The following CA10 variants were observed in gnomAD, a reference collection of about 807,000 sequenced individuals.
CA10 encodes carbonic anhydrase-related protein 10.
A neutral mutation model predicts 44.2 loss-of-function variants in CA10; 14 were observed. The ratio of observed to expected loss-of-function variants is 0.32; its 90% CI spans 0.21 to 0.50. The LOEUF is 0.50. Among genes scored for constraint, CA10 ranks in the 20% least tolerant of loss-of-function variants. CA10 has a pLI of 0.99. For missense variants in CA10, 350 were observed against 409.7 expected, an observed-to-expected ratio of 0.85 and a Z score of 1.26; for synonymous variants, 159 against 141.6, an observed-to-expected ratio of 1.12 and a Z score of -0.87.
At chr17:52,061,936 T>C (rs77331582) in intron 2 of CA10, among the ~76,000 whole-genome samples, 2,147 of 152,294 alleles carry the variant, frequency 0.014, 48 homozygotes, top group African/African-American at 0.049. Context: ...ATAAACTTAC[T>C]GGCTTATCAA....
chr17:51,968,541 TAG>T (rs1164248172), intron 2 of CA10, among the ~76,000 whole-genome samples: 1 of 151,854 alleles, frequency 6.6e-6, no homozygotes, highest in Non-Finnish European at 1.5e-5. Flanking sequence ...ACAGACACTA[TAG>T]AGACAGACAG....
At chr17:51,747,902 C>A in intron 3 of CA10, 84 bp from the exon 4 acceptor site, 3 of 1,027,924 alleles carry the variant, frequency 2.9e-6, no homozygotes, top group South Asian at 1.6e-5. Flanking sequence ...GGATCAACAC[C>A]TTTTGCTTCC....
At chr17:51,638,882 G>A (rs1418040321) in intron 6 of CA10, among the ~76,000 whole-genome samples, 1 of 152,130 alleles carries the variant, frequency 6.6e-6, no homozygotes, top group Non-Finnish European at 1.5e-5. Context: ...ACTGTAGACA[G>A]AGCAATGCTA....
chr17:51,720,927 T>G (rs1342783008), intron 4 of CA10, among the ~76,000 whole-genome samples: 1 of 152,162 alleles, frequency 6.6e-6, no homozygotes, highest in Non-Finnish European at 1.5e-5. Context: ...TGATGTGAGG[T>G]GATGGATATG....
intron 3 of CA10, among the ~76,000 whole-genome samples, chr17:51,839,262 G>T (rs1427304052): frequency 1.3e-5 from 2 of 152,178 alleles, no homozygotes; most frequent in Non-Finnish European, 2.9e-5. Flanking sequence ...GGAGTCCAAG[G>T]TGGGCGGATC....
At chr17:52,109,659 A>C (rs1988748347) in intron 1 of CA10, among the ~76,000 whole-genome samples, 1 of 152,232 alleles carries the variant, frequency 6.6e-6, no homozygotes, top group South Asian at 2.1e-4. Context: ...AGTTTAATGC[A>C]AGTCACATTC....
intron 3 of CA10, among the ~76,000 whole-genome samples, chr17:51,891,761 A>G (rs1286194940): frequency 6.6e-6 from 1 of 152,174 alleles, no homozygotes; most frequent in African/African-American, 2.4e-5. Flanking sequence ...CCGCCCTGTC[A>G]TTCTGCACAG....
rs1271678255 is a variant in CA10, at chr17:51,849,163, GTATATATATATACATATATGTA to G, written c.279+81805_279+81826del. Among the ~76,000 whole-genome samples the G allele has an allele frequency of 9.2e-3, 827 of 89,810 alleles. 30 individuals are homozygous for G. The highest frequency in any genetic ancestry group is 0.027 in the Middle Eastern group (4 of 148). 58.9% of individuals were successfully genotyped at this position (89,810 alleles called of 152,430 possible). On this transcript the variant is annotated intron_variant, in intron 3 of 8. Coordinates refer to ENST00000451037, the MANE Select transcript of CA10 (RefSeq NM_020178.5). ...TAGTTTTTTATATATATACATATAT[GTATATATATATACATATATGTA>G]TATATATATATACATATATGTATAT... is the stretch of plus-strand genomic sequence containing the variant.
Position 52,158,325 on chromosome 17 carries a change from G to A in CA10, c.-539C>T, listed in dbSNP as rs1467558191. ...CCTCGAAGTCCGCCCCCCTCACCGG[G>A]GCATGGTCGGAGGGTGGCTGCTGCG... On this transcript the variant is annotated 5_prime_UTR_variant, in exon 1 of 9. Transcript: ENST00000451037. 1 of 196,454 alleles carries A rather than the reference G, an allele frequency of 5.1e-6. No homozygotes were observed. Among genetic ancestry groups the A allele is most frequent in the Non-Finnish European group, 1.0e-5 (1 of 95,482 alleles). The allele number at this position is 196,454 out of a possible 1,614,324, so 12.2% of individuals were successfully genotyped here.
chr17:51,745,487 G>A (rs1160424937), intron 4 of CA10, among the ~76,000 whole-genome samples: 1 of 152,128 alleles, frequency 6.6e-6, no homozygotes, highest in East Asian at 1.9e-4. Context: ...AAACCTAATC[G>A]TCAGACTCTC....
chr17:51,714,058 G>T (rs1358120421), intron 4 of CA10, among the ~76,000 whole-genome samples: 1 of 152,142 alleles, frequency 6.6e-6, no homozygotes, highest in East Asian at 1.9e-4. Context: ...CCTAAGGAGA[G>T]AAAGGCCAGT....
chr17:51,821,093 C>A (rs1598062251), intron 3 of CA10, among the ~76,000 whole-genome samples: 1 of 126,360 alleles, frequency 7.9e-6, no homozygotes, highest in Non-Finnish European at 1.7e-5. Context: ...CCCTCCCTCC[C>A]TTCCTTCCTT....
intron 2 of CA10, among the ~76,000 whole-genome samples, chr17:52,026,091 G>A (rs1347959240): frequency 6.6e-6 from 1 of 152,034 alleles, no homozygotes; most frequent in African/African-American, 2.4e-5. Flanking sequence ...ATCTGGCTGA[G>A]GTTAAGATTC....
At chr17:52,015,970 G>C (rs996737461) in intron 2 of CA10, among the ~76,000 whole-genome samples, 1 of 152,116 alleles carries the variant, frequency 6.6e-6, no homozygotes, top group Non-Finnish European at 1.5e-5. Context: ...TTCCAGGTGA[G>C]TGGAAGTAGA....
At chr17:51,662,290 G>A (rs988091166) in intron 4 of CA10, among the ~76,000 whole-genome samples, 1 of 152,126 alleles carries the variant, frequency 6.6e-6, no homozygotes, top group Non-Finnish European at 1.5e-5. Context: ...CCAGATCCCA[G>A]AAGTCCAGAG....
At chr17:51,775,576 T>G (rs1215585645) in intron 3 of CA10, among the ~76,000 whole-genome samples, 2 of 152,178 alleles carry the variant, frequency 1.3e-5, no homozygotes, top group Non-Finnish European at 2.9e-5. Context: ...ATCTACTATG[T>G]GTCAGGGCCC....
intron 4 of CA10, among the ~76,000 whole-genome samples, chr17:51,669,052 G>C (rs1000675074): frequency 6.6e-6 from 1 of 152,176 alleles, no homozygotes; most frequent in Non-Finnish European, 1.5e-5. Context: ...CCAAGACCCT[G>C]CAACCTCATC....
intron 5 of CA10, among the ~76,000 whole-genome samples, chr17:51,649,472 G>T (rs892165296): frequency 1.3e-5 from 2 of 152,186 alleles, no homozygotes; most frequent in Non-Finnish European, 2.9e-5. Flanking sequence ...TTCTCATATA[G>T]TGTGAAGAGT....
chr17:51,851,473 C>T lies in CA10; in HGVS notation c.279+79517G>A, dbSNP rs77978689. ...GGGAATAAAAGAAATATGTACCTCA[C>T]GGGTTGTTTTGAGGATGAAATTAAT... is the stretch of plus-strand genomic sequence containing the variant. On this transcript the variant is annotated intron_variant, in intron 3 of 8. Transcript: ENST00000451037. Among the ~76,000 whole-genome samples the T allele has an allele frequency of 4.2e-3, 644 of 152,248 alleles. 2 individuals are homozygous for T. The highest frequency in any genetic ancestry group is 0.02 in the Middle Eastern group (6 of 294).
Sources: allele counts gnomAD v4.1 joint callset (sites outside exome capture counted in the v4.1 genomes callset), GRCh38; gene constraint gnomAD v4.1.1; transcripts MANE v1.5; gene names NCBI Gene and HGNC (gene_info 2026-07-23, HGNC 2026-07-21).